PCDH9: variants seen among roughly 807,000 people sequenced by gnomAD.
PCDH9 encodes the protein protocadherin-9.
PCDH9 carries 24 observed loss-of-function variants against 70.6 expected under a neutral mutation model. The observed-to-expected ratio is 0.34, with a 90% CI of 0.25 to 0.48. The LOEUF is 0.48. Ranked by LOEUF, PCDH9 falls within the 20% of genes least tolerant of loss-of-function variation. The pLI is 0.99. For synonymous variants in PCDH9, 562 were observed against 558.5 expected (o/e 1.01, Z -0.09); for missense variants, 1,281 against 1,503.6 (o/e 0.85, Z 2.45).
Position 67,227,660 on chromosome 13 carries a change from T to C in PCDH9, c.781A>G (p.Ile261Val), listed in dbSNP as rs773240376. ...GTACCTACGGGAGCATTCTCTGGAA[T>C]ATGCACCTCCACTTGACCCTCTTTA... is the stretch of plus-strand genomic sequence containing the variant. ...VFKEGQVEVHIPENAPVGTSV... is the reference protein window; with the variant it reads ...VFKEGQVEVHVPENAPVGTSV... Residue 261 changes from isoleucine (I) to valine (V), a missense_variant, in exon 2 of 5, where the codon ATT (isoleucine) becomes GTT (valine). Ile to Val is a conservative substitution (Grantham distance 29). This residue lies in a region of PCDH9 where 798 missense variants were observed against 1,003.1 expected (regional missense o/e 0.80). Transcript: ENST00000377865. This position sits in a 1 kb window ranked among gnomAD's most constrained non-coding sequence, Gnocchi z 4.6. 1.7e-5 allele frequency: 28 copies of C among 1,613,150 alleles called. No individual in the cohort carries two copies. Among genetic ancestry groups the C allele is most frequent in the Non-Finnish European group, 2.4e-5 (28 of 1,179,196 alleles).
At chr13:67,178,650 C>T (rs1401698636) in intron 2 of PCDH9, among the ~76,000 whole-genome samples, 2 of 152,054 alleles carry the variant, frequency 1.3e-5, no homozygotes, top group Non-Finnish European at 2.9e-5. Flanking sequence ...TTATTCACCC[C>T]AGGTCTCTGC....
intron 2 of PCDH9, among the ~76,000 whole-genome samples, chr13:66,944,982 G>T (rs1262223040): frequency 1.3e-5 from 2 of 152,054 alleles, no homozygotes; most frequent in African/African-American, 4.8e-5. Flanking sequence ...AAACCTGACT[G>T]CAGGATACCA....
At chr13:67,124,121 A>G (rs903301634) in intron 2 of PCDH9, among the ~76,000 whole-genome samples, 5 of 152,128 alleles carry the variant, frequency 3.3e-5, no homozygotes, top group Non-Finnish European at 7.4e-5. Flanking sequence ...ATGGTTTCAA[A>G]AAAGTAAAAT....
chr13:66,612,974 G>T (rs914822250), intron 4 of PCDH9, among the ~76,000 whole-genome samples: 3 of 152,134 alleles, frequency 2.0e-5, no homozygotes, highest in African/African-American at 7.2e-5. Context: ...CATGCAAAGT[G>T]GGGGCTCAAT....
intron 3 of PCDH9, among the ~76,000 whole-genome samples, chr13:66,636,660 G>A (rs542794198): frequency 1.3e-5 from 2 of 151,960 alleles, no homozygotes; most frequent in Admixed American, 1.3e-4. Flanking sequence ...TGGAAACATT[G>A]TACCTAATTT....
intron 3 of PCDH9, among the ~76,000 whole-genome samples, chr13:66,828,449 C>T (rs914605001): frequency 6.6e-6 from 1 of 152,116 alleles, no homozygotes; most frequent in East Asian, 1.9e-4. Context: ...AGAGTACATG[C>T]TTTTTCTACC....
chr13:66,366,085 C>G lies in PCDH9; in HGVS notation c.3341-61057G>C, dbSNP rs74093065. Among the ~76,000 whole-genome samples the G allele has an allele frequency of 4.3e-3, 648 of 152,030 alleles. 7 individuals carry two copies. Among genetic ancestry groups the G allele is most frequent in the African/African-American group, 0.015 (625 of 41,518 alleles). On this transcript the variant is annotated intron_variant, in intron 4 of 4. Coordinates refer to ENST00000377865, the MANE Select transcript of PCDH9 (RefSeq NM_203487.3). Reference sequence around the variant, plus strand: ...AACTTTCAGCCAAGTTATATTAATACTAGGATTTACCAAATCAAAATGAGG... The same window carrying G: ...AACTTTCAGCCAAGTTATATTAATAGTAGGATTTACCAAATCAAAATGAGG...
chr13:67,200,650 C>G (rs1414398775), intron 2 of PCDH9, among the ~76,000 whole-genome samples: 1 of 152,022 alleles, frequency 6.6e-6, no homozygotes, highest in Non-Finnish European at 1.5e-5. Context: ...GTTTAACAGA[C>G]CTGCATATAT....
At chr13:67,058,803 A>G (rs896369993) in intron 2 of PCDH9, among the ~76,000 whole-genome samples, 1 of 152,128 alleles carries the variant, frequency 6.6e-6, no homozygotes, top group African/African-American at 2.4e-5. Context: ...AGGGAAGCCC[A>G]TATCCTGAAA....
intron 4 of PCDH9, among the ~76,000 whole-genome samples, chr13:66,414,310 C>T (rs1210656788): frequency 6.6e-6 from 1 of 152,144 alleles, no homozygotes; most frequent in Non-Finnish European, 1.5e-5. Flanking sequence ...AAGTTATTTA[C>T]TTTGGCATAT....
chr13:66,550,223 C>T lies in PCDH9; in HGVS notation c.3340+80987G>A, dbSNP rs1211007768. ...AATAATTGTTTAATGATTTAAGCTTCAGGAATAAATTCAAGTAATAGAATA... is the reference window on the plus strand; with the variant it reads ...AATAATTGTTTAATGATTTAAGCTTTAGGAATAAATTCAAGTAATAGAATA... On this transcript the variant is annotated intron_variant, in intron 4 of 4. Transcript: ENST00000377865. Among the ~76,000 whole-genome samples, 4 of 151,850 alleles carry T rather than the reference C, an allele frequency of 2.6e-5. No homozygotes were observed. The East Asian group carries it at 7.7e-4, about 29-fold the overall frequency.
intron 4 of PCDH9, among the ~76,000 whole-genome samples, chr13:66,318,542 C>T (rs975791964): frequency 6.2e-4 from 94 of 152,146 alleles, no homozygotes; most frequent in African/African-American, 2.1e-3. Context: ...AAAAATCTCT[C>T]AAGATGAAGA....
rs111347560 is a variant in PCDH9, at chr13:67,013,264, A to AACACACACACACACACAC, written c.3037-109677_3037-109660dup. Among the ~76,000 whole-genome samples the AACACACACACACACACAC allele has an allele frequency of 2.5e-3, 364 of 144,480 alleles. 1 individual carries two copies. The highest frequency in any genetic ancestry group is 6.9e-3 in the South Asian group (31 of 4,516). The allele number at this position is 144,480 out of a possible 152,430, so 94.8% of individuals were successfully genotyped here. A position where few individuals can be genotyped will look rare whatever the true frequency, so the allele number is the denominator to read the frequency against. Reference sequence around the variant, plus strand: ...TAAACATATACTTGTTTTTTAATGTAACACACACACACACACACACACACA... The same window carrying AACACACACACACACACAC: ...TAAACATATACTTGTTTTTTAATGTAACACACACACACACACACACACACACACACACACACACACACA... On this transcript the variant is annotated intron_variant, in intron 2 of 4. Transcript: ENST00000377865.
At chr13:67,041,827 T>C (rs2085120741) in intron 2 of PCDH9, among the ~76,000 whole-genome samples, 1 of 37,386 alleles carries the variant, frequency 2.7e-5, no homozygotes, top group African/African-American at 8.1e-5. Flanking sequence ...TGAGACTCTG[T>C]CTCAAAAAAA....
intron 3 of PCDH9, among the ~76,000 whole-genome samples, chr13:66,711,283 A>G (rs2078789316): frequency 6.6e-6 from 1 of 151,876 alleles, no homozygotes; most frequent in African/African-American, 2.4e-5. Flanking sequence ...TCTAAAGTGT[A>G]TTTGTTAAGA....
Position 66,691,563 on chromosome 13 carries a change from T to C in PCDH9, c.3139-60152A>G, listed in dbSNP as rs79871576. 3.3e-4 allele frequency among the ~76,000 whole-genome samples: 50 copies of C among 152,150 alleles called. No individual in the cohort carries two copies. The East Asian group carries it at 9.1e-3, about 28-fold the overall frequency. ...TTTTTACTATTATTTTAACTTTTAA[T>C]GTGATAAGCAATAGAAAAAAAATAA... On this transcript the variant is annotated intron_variant, in intron 3 of 4. Transcript: ENST00000377865.
chr13:66,325,778 T>C (rs79351414), intron 4 of PCDH9, among the ~76,000 whole-genome samples: 4,052 of 152,244 alleles, frequency 0.027, 239 homozygotes, highest in African/African-American at 0.093. Context: ...TGGTTGCTAT[T>C]AGTGAATACA....
chr13:67,191,709 T>C (rs1198770824), intron 2 of PCDH9, among the ~76,000 whole-genome samples: 1 of 152,140 alleles, frequency 6.6e-6, no homozygotes, highest in Non-Finnish European at 1.5e-5. Flanking sequence ...ACTTGCCTTA[T>C]ATTCTTAACG....
At chr13:66,475,366 A>G (rs549792300) in intron 4 of PCDH9, among the ~76,000 whole-genome samples, 1 of 152,226 alleles carries the variant, frequency 6.6e-6, no homozygotes, top group South Asian at 2.1e-4. Context: ...GTGTTTCCTT[A>G]TAAGGACTTT....
Sources: gnomAD v4.1 joint callset for allele counts (sites outside exome capture counted in the v4.1 genomes callset) on GRCh38, gnomAD v4.1.1 for gene constraint, gnomAD v4.1.1 regional missense constraint, Gnocchi (gnomAD v3.1) non-coding constraint, MANE v1.5 for transcripts, NCBI Gene and HGNC (gene_info 2026-07-23, HGNC 2026-07-21) for gene names.